PLXDC2: variants seen among roughly 807,000 people sequenced by gnomAD.
PLXDC2 encodes the protein plexin domain containing 2.
Under a neutral mutation model 68.9 loss-of-function variants are expected in PLXDC2, and 40 were observed. The ratio of observed to expected loss-of-function variants is 0.58; its 90% confidence interval spans 0.45 to 0.76. PLXDC2 has a LOEUF of 0.76. Ranked by LOEUF, PLXDC2 falls within the 30% of genes least tolerant of loss-of-function variation. The probability of loss-of-function intolerance (pLI) is 0.00; values close to 1 mark genes in which losing one functional copy is unlikely to be tolerated. For missense variants in PLXDC2, 644 were observed against 661.9 expected (o/e 0.97, Z 0.30); for synonymous variants, 243 against 234.2 (o/e 1.04, Z -0.34).
intron 4 of PLXDC2, among the ~76,000 whole-genome samples, chr10:20,093,203 T>C (rs1197291926): frequency 1.3e-5 from 2 of 152,188 alleles, no homozygotes; most frequent in Non-Finnish European, 2.9e-5. Context: ...ATCATCCCTT[T>C]ATGGAATGAT....
chr10:20,216,075 C>G (rs1162425818), intron 10 of PLXDC2, among the ~76,000 whole-genome samples: 1 of 149,510 alleles, frequency 6.7e-6, no homozygotes. Flanking sequence ...AAAGGCAGAT[C>G]TTTTCTTTAA....
chr10:19,852,802 T>G (rs16919426), intron 1 of PLXDC2, among the ~76,000 whole-genome samples: 44,230 of 152,072 alleles, frequency 0.29, 6,483 homozygotes, highest in East Asian at 0.46. Context: ...GCAAGACGCT[T>G]CTGAGGTGAG....
At chr10:19,895,086 A>T (rs989135554) in intron 1 of PLXDC2, among the ~76,000 whole-genome samples, 10 of 152,234 alleles carry the variant, frequency 6.6e-5, no homozygotes, top group Admixed American at 2.0e-4. Flanking sequence ...AACATGGAAT[A>T]CTATGCAGCC....
chr10:19,969,971 C>T (rs953392859), intron 1 of PLXDC2, among the ~76,000 whole-genome samples: 1 of 152,154 alleles, frequency 6.6e-6, no homozygotes, highest in East Asian at 1.9e-4. Flanking sequence ...AACTCTAAGG[C>T]GGAAGTCAGC....
At chr10:20,178,038 T>C (rs1438396363) in intron 9 of PLXDC2, among the ~76,000 whole-genome samples, 1 of 152,134 alleles carries the variant, frequency 6.6e-6, no homozygotes, top group East Asian at 1.9e-4. Context: ...TTTTGGTTCA[T>C]ATTCTACAGA....
At chr10:20,143,567 G>T in intron 5 of PLXDC2, 150 bp downstream of exon 5, 1 of 939,370 alleles carries the variant, frequency 1.1e-6, no homozygotes, top group Non-Finnish European at 1.6e-6. Flanking sequence ...ATACTGCTAA[G>T]ATTTATAAAG....
chr10:19,896,107 A>G (rs1051422638), intron 1 of PLXDC2, among the ~76,000 whole-genome samples: 4 of 152,126 alleles, frequency 2.6e-5, no homozygotes, highest in Non-Finnish European at 5.9e-5. Context: ...TTGATCTGCC[A>G]TGATCTTGGC....
At chr10:20,013,074 AT>A (rs1835145651) in intron 2 of PLXDC2, among the ~76,000 whole-genome samples, 1 of 152,228 alleles carries the variant, frequency 6.6e-6, no homozygotes, top group Non-Finnish European at 1.5e-5. Flanking sequence ...AACTTTATAT[AT>A]TTATGCAGTC....
chr10:20,052,329 A>G (rs1314040060), intron 3 of PLXDC2, among the ~76,000 whole-genome samples: 1 of 152,040 alleles, frequency 6.6e-6, no homozygotes, highest in East Asian at 1.9e-4. Context: ...CTACCTTTCC[A>G]ATCCTGCCTG....
At chr10:19,846,216 T>A (rs1321653298) in intron 1 of PLXDC2, among the ~76,000 whole-genome samples, 1 of 152,038 alleles carries the variant, frequency 6.6e-6, no homozygotes, top group Non-Finnish European at 1.5e-5. Context: ...AGGTGAGTAA[T>A]TTGGATCTGT....
chr10:20,102,070 A>G (rs781636534), intron 4 of PLXDC2, among the ~76,000 whole-genome samples: 4 of 152,078 alleles, frequency 2.6e-5, no homozygotes, highest in Non-Finnish European at 4.4e-5. Context: ...CAAAGTGCTT[A>G]GATTACAGGC....
chr10:19,875,837 CCTCT>C (rs1303238791), intron 1 of PLXDC2, among the ~76,000 whole-genome samples: 1 of 152,062 alleles, frequency 6.6e-6, no homozygotes, highest in Non-Finnish European at 1.5e-5. Flanking sequence ...AGATTTTTGT[CCTCT>C]CTCTCTAGTT....
At chr10:20,171,596 T>C (rs1834446883) in intron 7 of PLXDC2, among the ~76,000 whole-genome samples, 1 of 152,188 alleles carries the variant, frequency 6.6e-6, no homozygotes, top group Non-Finnish European at 1.5e-5. Flanking sequence ...GACTCTGACT[T>C]GATTTTTAAA....
chr10:20,149,104 G>A (rs1158062408), intron 6 of PLXDC2, among the ~76,000 whole-genome samples: 1 of 151,458 alleles, frequency 6.6e-6, no homozygotes, highest in Non-Finnish European at 1.5e-5. Context: ...AGGTTCAGGA[G>A]TACATGTGTA....
At chr10:20,090,537 C>T (rs1404490007) in intron 4 of PLXDC2, among the ~76,000 whole-genome samples, 3 of 152,146 alleles carry the variant, frequency 2.0e-5, no homozygotes, top group Non-Finnish European at 4.4e-5. Context: ...GCATTCTTCT[C>T]ACTAGCTCAC....
chr10:20,115,514 A>T (rs1045401505), intron 4 of PLXDC2, among the ~76,000 whole-genome samples: 1 of 152,186 alleles, frequency 6.6e-6, no homozygotes, highest in Non-Finnish European at 1.5e-5. Flanking sequence ...TTCACATGTT[A>T]GTACATAAAA....
In PLXDC2 at chr10:20,217,493, G is replaced by A. The variant is rs1474980180; in HGVS notation, c.1190G>A (p.Gly397Glu). 2 of 1,612,264 alleles carry A rather than the reference G, an allele frequency of 1.2e-6. No individual in the cohort carries two copies. Among genetic ancestry groups the A allele is most frequent in the Admixed American group, 3.3e-5 (2 of 59,890 alleles). Residue 397 changes from glycine (G) to glutamate (E), a missense_variant, in exon 11 of 14, where the codon GGA becomes GAA. Coordinates refer to ENST00000377252, the MANE Select transcript of PLXDC2 (RefSeq NM_032812.9). ...ETSSRTTTTV[G>E]ATTTQFRVLT... ...TCTTCTCGAACCACCACAACCGTAG[G>A]AGCGACAACCACCCAGTTCAGGGTC...
chr10:19,878,502 A>G (rs1444649420), intron 1 of PLXDC2, among the ~76,000 whole-genome samples: 1 of 152,230 alleles, frequency 6.6e-6, no homozygotes, highest in Non-Finnish European at 1.5e-5. Context: ...CTGAAGTAAA[A>G]TAATTTTTTT....
At chr10:20,087,429 G>A (rs1833214739) in intron 4 of PLXDC2, among the ~76,000 whole-genome samples, 1 of 152,198 alleles carries the variant, frequency 6.6e-6, no homozygotes, top group South Asian at 2.1e-4. Context: ...TTTCCATGTA[G>A]TAAAGCACAA....
Sources: gnomAD v4.1 joint callset for allele counts (sites outside exome capture counted in the v4.1 genomes callset) on GRCh38, gnomAD v4.1.1 for gene constraint, MANE v1.5 for transcripts, NCBI Gene and HGNC (gene_info 2026-07-23, HGNC 2026-07-21) for gene names.